The following RSU1 variants were observed in gnomAD, a reference collection of about 807,000 sequenced individuals.
The protein encoded by RSU1 is rsu-1.
RSU1 carries 26 observed loss-of-function variants against 31.1 expected under a neutral mutation model. That is an observed-to-expected ratio of 0.84 (90% CI 0.61 to 1.16). The LOEUF is 1.16. Ranked by LOEUF, RSU1 falls within the 50% of genes most tolerant of loss-of-function variation. The probability of loss-of-function intolerance (pLI) is 0.00; values close to 1 mark genes in which losing one functional copy is unlikely to be tolerated. For missense variants in RSU1, 320 were observed against 339.1 expected (o/e 0.94, Z 0.44); for synonymous variants, 164 against 136.3 (o/e 1.20, Z -1.41).
In RSU1 at chr10:16,695,093, G is replaced by A; in HGVS notation, c.661C>T (p.Pro221Ser). Residue 221 changes from proline (P) to serine (S), a missense_variant, in exon 8 of 9, where the codon CCC becomes TCC. Physicochemically the swap from Pro to Ser is moderately conservative, Grantham distance 74 (BLOSUM62 -1). Coordinates refer to ENST00000345264, the MANE Select transcript of RSU1 (RefSeq NM_012425.4). The stretch of plus-strand genomic sequence containing the variant: ...CCAAGCTGGAACTGGTCTGCAATGG[G>A]GGTCACCCAGGGATTGTTCTCTGCT... ...FKAENNPWVT[P>S]IADQFQLGVS... 1.9e-6 allele frequency: 3 copies of A among 1,611,112 alleles called. No homozygotes were observed. Among genetic ancestry groups the A allele is most frequent in the Non-Finnish European group, 2.5e-6 (3 of 1,178,704 alleles).
intron 2 of RSU1, among the ~76,000 whole-genome samples, 173 bp from the exon 3 acceptor site, chr10:16,782,257 A>G (rs1837669936): frequency 6.6e-6 from 1 of 152,240 alleles, no homozygotes; most frequent in Non-Finnish European, 1.5e-5. Context: ...TGTTAAACCA[A>G]AGGAAGAAAA....
intron 8 of RSU1, among the ~76,000 whole-genome samples, chr10:16,641,333 A>C (rs1297626346): frequency 6.6e-6 from 1 of 152,070 alleles, no homozygotes; most frequent in African/African-American, 2.4e-5. Context: ...TCTACTAAAA[A>C]TACAAAAAAT....
chr10:16,632,403 A>G (rs887924310), intron 8 of RSU1, among the ~76,000 whole-genome samples: 3 of 151,970 alleles, frequency 2.0e-5, no homozygotes, highest in Admixed American at 2.0e-4. Flanking sequence ...GGTAACAGAT[A>G]CCTCCTTGGT....
At chr10:16,599,088 C>T (rs1001691579) in intron 8 of RSU1, among the ~76,000 whole-genome samples, 8 of 152,174 alleles carry the variant, frequency 5.3e-5, no homozygotes, top group African/African-American at 1.7e-4. Context: ...CTGAAGCTAA[C>T]ACTCGTGGCT....
intron 1 of RSU1, 67 bp from the exon 2 acceptor site, chr10:16,817,151 C>A (rs1838557186): frequency 8.8e-7 from 1 of 1,137,570 alleles, no homozygotes; most frequent in Non-Finnish European, 1.3e-6. Flanking sequence ...GGCAAGAGGC[C>A]TTCGCTGCCA....
intron 8 of RSU1, 85 bp downstream of exon 8, chr10:16,694,938 T>C: frequency 7.8e-7 from 1 of 1,274,514 alleles, no homozygotes; most frequent in Non-Finnish European, 1.1e-6. Context: ...ATCAATAGGA[T>C]ACTGTCACAT....
chr10:16,684,903 GA>G (rs1391405567), intron 8 of RSU1, among the ~76,000 whole-genome samples: 2 of 152,144 alleles, frequency 1.3e-5, no homozygotes, highest in Non-Finnish European at 2.9e-5. Flanking sequence ...ATTGGATAGA[GA>G]ATATAAAGTA....
At chr10:16,694,992 C>T in intron 8 of RSU1, 31 bp downstream of exon 8, 1 of 1,583,852 alleles carries the variant, frequency 6.3e-7, no homozygotes, top group Admixed American at 1.8e-5. Context: ...AAATCACAGT[C>T]TACTATTTCA....
intron 2 of RSU1, among the ~76,000 whole-genome samples, chr10:16,797,916 G>C (rs1466902102): frequency 1.4e-5 from 2 of 145,886 alleles, no homozygotes; most frequent in Non-Finnish European, 3.0e-5. Flanking sequence ...GACTGGAGTG[G>C]AGCGGGGCAA....
At chr10:16,685,927 C>T (rs1323448225) in intron 8 of RSU1, among the ~76,000 whole-genome samples, 3 of 152,058 alleles carry the variant, frequency 2.0e-5, no homozygotes, top group Non-Finnish European at 4.4e-5. Flanking sequence ...AATATGCAAA[C>T]ACAGTAGAAC....
At position 16,770,504 on chromosome 10, in the gene RSU1, C is replaced by A. The variant is rs149186228; in HGVS notation, c.161-5994G>T. 2.9e-3 allele frequency among the ~76,000 whole-genome samples: 436 copies of A among 152,290 alleles called. 1 individual carries two copies. The highest frequency in any genetic ancestry group is 9.8e-3 in the African/African-American group (406 of 41,558). ...AGGTGACCTCCACCCACCATCTCCA[C>A]CAAACTTCTGGGGAGTTGGGGGCTG... is the stretch of plus-strand genomic sequence containing the variant. On this transcript the variant is annotated intron_variant, in intron 3 of 8. Coordinates refer to ENST00000345264, the MANE Select transcript of RSU1 (RefSeq NM_012425.4).
chr10:16,644,483 C>A (rs556379626), intron 8 of RSU1, among the ~76,000 whole-genome samples: 1 of 152,092 alleles, frequency 6.6e-6, no homozygotes, highest in Non-Finnish European at 1.5e-5. Flanking sequence ...CAAAGTAGTG[C>A]TTGGATATAT....
intron 4 of RSU1, among the ~76,000 whole-genome samples, chr10:16,762,330 A>C (rs1418220252): frequency 6.6e-6 from 1 of 151,280 alleles, no homozygotes; most frequent in Non-Finnish European, 1.5e-5. Context: ...TAATGTGTAC[A>C]TATATTTCAT....
At chr10:16,709,361 T>G (rs1470930673) in intron 7 of RSU1, among the ~76,000 whole-genome samples, 1 of 152,240 alleles carries the variant, frequency 6.6e-6, no homozygotes, top group African/African-American at 2.4e-5. Flanking sequence ...TTCCATGGTG[T>G]ATATGTGCCA....
rs1339369675 is a variant in RSU1 at position 16,772,787 on chromosome 10, C to T, written c.161-8277G>A. Among the ~76,000 whole-genome samples the T allele has an allele frequency of 3.9e-5, 6 of 151,922 alleles. No homozygotes were observed. In the South Asian group the frequency reaches 1.0e-3, roughly 26 times the overall value. ...TATAATATATATGGATGTATATCTA[C>T]ACATAAGCCTCGATTATTAACATTA... On this transcript the variant is annotated intron_variant, in intron 3 of 8. Transcript: ENST00000345264.
intron 8 of RSU1, among the ~76,000 whole-genome samples, chr10:16,629,161 G>A (rs1834206622): frequency 6.6e-6 from 1 of 152,278 alleles, no homozygotes; most frequent in South Asian, 2.1e-4. Context: ...GGAATTGCCT[G>A]GGGACCCTGT....
chr10:16,805,997 G>A (rs1838258886), intron 2 of RSU1, among the ~76,000 whole-genome samples: 2 of 152,328 alleles, frequency 1.3e-5, no homozygotes, highest in East Asian at 3.9e-4. Context: ...GTGACTAGGA[G>A]GAGCACCAGC....
intron 8 of RSU1, among the ~76,000 whole-genome samples, chr10:16,668,197 A>T (rs1049261004): frequency 6.6e-6 from 1 of 152,204 alleles, no homozygotes; most frequent in Non-Finnish European, 1.5e-5. Flanking sequence ...AGTTATCATG[A>T]TTAATAAGTA....
At chr10:16,799,628 A>C (rs974395378) in intron 2 of RSU1, among the ~76,000 whole-genome samples, 1 of 140,308 alleles carries the variant, frequency 7.1e-6, no homozygotes, top group African/African-American at 2.8e-5. Flanking sequence ...TGAAAAAATT[A>C]GAAAAAAAAA....
Sources: gnomAD v4.1 joint callset for allele counts (sites outside exome capture counted in the v4.1 genomes callset) on GRCh38, gnomAD v4.1.1 for gene constraint, MANE v1.5 for transcripts, NCBI Gene and HGNC (gene_info 2026-07-23, HGNC 2026-07-21) for gene names.